The following SDK2 variants were observed in gnomAD, a reference collection of about 807,000 sequenced individuals.
SDK2 encodes protein sidekick-2.
Under a neutral mutation model 253.9 loss-of-function variants are expected in SDK2, and 105 were observed. The observed-to-expected ratio is 0.41, with a 90% CI of 0.35 to 0.49. SDK2 has a LOEUF of 0.49. Among genes scored for constraint, SDK2 ranks in the 20% least tolerant of loss-of-function variants. The pLI, the probability that SDK2 is intolerant of heterozygous loss-of-function variation, is 0.06. For synonymous variants in SDK2, 1,249 were observed against 1,234.9 expected, an observed-to-expected ratio of 1.01 and a Z score of -0.24; for missense variants, 2,608 against 3,003.0, an observed-to-expected ratio of 0.87 and a Z score of 3.07.
At chr17:73,377,677 A>G (rs1222551900) in intron 36 of SDK2, among the ~76,000 whole-genome samples, 3 of 142,966 alleles carry the variant, frequency 2.1e-5, no homozygotes, top group African/African-American at 7.9e-5. Context: ...CAATGGTGCA[A>G]TCTCGGCTCA....
At chr17:73,424,655 T>C (rs1442250704) in intron 12 of SDK2, among the ~76,000 whole-genome samples, 1 of 152,216 alleles carries the variant, frequency 6.6e-6, no homozygotes, top group Non-Finnish European at 1.5e-5. Context: ...AATTTGTTCT[T>C]GAGGAAATAG....
chr17:73,586,219 C>A (rs1470216745), intron 1 of SDK2, among the ~76,000 whole-genome samples: 1 of 152,166 alleles, frequency 6.6e-6, no homozygotes, highest in Non-Finnish European at 1.5e-5. Flanking sequence ...CCATGCCTCT[C>A]CTGCTGGCTA....
chr17:73,498,289 C>G (rs2063859725), intron 2 of SDK2, among the ~76,000 whole-genome samples: 1 of 152,214 alleles, frequency 6.6e-6, no homozygotes, highest in Non-Finnish European at 1.5e-5. Context: ...GCTCCAAACT[C>G]CTCCAGCTCC....
intron 2 of SDK2, among the ~76,000 whole-genome samples, chr17:73,482,685 C>T (rs1041956581): frequency 3.3e-5 from 5 of 152,354 alleles, no homozygotes; most frequent in Admixed American, 3.3e-4. Context: ...AACTGTGATC[C>T]ATCAGCCCAG....
intron 5 of SDK2, among the ~76,000 whole-genome samples, chr17:73,445,188 C>CA (rs1599572989): frequency 6.6e-6 from 1 of 151,866 alleles, no homozygotes; most frequent in Non-Finnish European, 1.5e-5. Flanking sequence ...ACTTAGTATG[C>CA]AAAAAACCAA....
In SDK2 at chr17:73,430,611, G is replaced by A. The variant is rs1458289398; in HGVS notation, c.1483C>T (p.Arg495Trp). 9.6e-6 allele frequency: 15 copies of A among 1,558,680 alleles called. No individual in the cohort carries two copies. The highest frequency in any genetic ancestry group is 2.4e-5 in the East Asian group (1 of 42,190). ...EASADLVVWA[R>W]TRITKPPQDQ... is the part of the protein sequence containing the mutation. ...TGGGGGGGCTTGGTGATGCGGGTCC[G>A]AGCTGAAAGATACAGCGGAGACAGC... The change falls in exon 12 of 45, where the codon CGG becomes TGG. Residue 495 changes from arginine to tryptophan, a missense_variant and splice_region_variant. Transcript: ENST00000392650.
intron 1 of SDK2, among the ~76,000 whole-genome samples, chr17:73,566,434 T>C (rs1047102761): frequency 6.6e-6 from 1 of 152,070 alleles, no homozygotes; most frequent in African/African-American, 2.4e-5. Flanking sequence ...GGAGTGTTGC[T>C]ATAAAGATAC....
In SDK2 at chr17:73,401,744, G is replaced by A; in HGVS notation, c.2689C>T (p.Pro897Ser). The A allele has an allele frequency of 1.3e-6, 2 of 1,576,296 alleles. No individual in the cohort carries two copies. Among genetic ancestry groups the A allele is most frequent in the Non-Finnish European group, 8.6e-7 (1 of 1,159,980 alleles). ...LVRTHEDVPGPVGHLSFSEIL... is the reference protein window; with the variant it reads ...LVRTHEDVPGSVGHLSFSEIL... ...TCACTGAAGCTCAGGTGTCCCACGGGCCCAGGCACTGCACCCCAAAAGGAA... is the reference window on the plus strand; with the variant it reads ...TCACTGAAGCTCAGGTGTCCCACGGACCCAGGCACTGCACCCCAAAAGGAA... Residue 897 changes from proline to serine, a missense_variant, in exon 20 of 45, where the codon CCC becomes TCC. Physicochemically the swap from Pro to Ser is moderately conservative, Grantham distance 74 (BLOSUM62 -1). Transcript: ENST00000392650.
chr17:73,378,577 G>A (rs1367366865), intron 36 of SDK2, among the ~76,000 whole-genome samples: 1 of 151,912 alleles, frequency 6.6e-6, no homozygotes, highest in Non-Finnish European at 1.5e-5. Context: ...CTGCCACCAT[G>A]CCCGGCTAAT....
chr17:73,365,970 C>G (rs1028629666), intron 37 of SDK2, among the ~76,000 whole-genome samples: 1 of 152,128 alleles, frequency 6.6e-6, no homozygotes, highest in African/African-American at 2.4e-5. Flanking sequence ...TTTCTCGGAC[C>G]AAGAACCCTG....
intron 30 of SDK2, 58 bp downstream of exon 30, chr17:73,387,778 C>T: frequency 6.9e-7 from 1 of 1,451,102 alleles, no homozygotes; most frequent in Middle Eastern, 2.1e-4. Flanking sequence ...TGGAGGAGCA[C>T]CGCTGGTCCC....
Position 73,643,074 on chromosome 17 carries a change from A to G in SDK2, c.64+951T>C, listed in dbSNP as rs2143325929. 1 of 152,348 alleles carries G rather than the reference A, an allele frequency of 6.6e-6. No individual in the cohort carries two copies. The highest frequency in any genetic ancestry group is 1.9e-4 in the East Asian group (1 of 5,162). 9.4% of individuals were successfully genotyped at this position (152,348 alleles called of 1,614,324 possible). A position where few individuals can be genotyped will look rare whatever the true frequency, so the allele number is the denominator to read the frequency against. On this transcript the variant is annotated intron_variant, in intron 1 of 44. Coordinates refer to ENST00000392650, the MANE Select transcript of SDK2 (RefSeq NM_001144952.2). This position sits in a 1 kb window ranked among gnomAD's most constrained non-coding sequence, Gnocchi z 6.9. ...GGACACCGCTGACACCACTGTCTGGATCGGCGAACCCCAAAGTCGAGGAAC... is the reference window on the plus strand; with the variant it reads ...GGACACCGCTGACACCACTGTCTGGGTCGGCGAACCCCAAAGTCGAGGAAC...
intron 2 of SDK2, among the ~76,000 whole-genome samples, chr17:73,498,219 G>A (rs545851288): frequency 1.3e-5 from 2 of 152,192 alleles, no homozygotes; most frequent in East Asian, 3.9e-4. Flanking sequence ...CTCCTGACAC[G>A]AGCACCTCCT....
rs373510119 is a variant in SDK2 at position 73,596,723 on chromosome 17, C to T, written c.64+47302G>A. On this transcript the variant is annotated intron_variant, in intron 1 of 44. Transcript: ENST00000392650. ...GGACAGGGTGGCTGGTTCCAGCCTC[C>T]CCGACCCTCCCAGCTCCACTCTGAT... 6.6e-5 allele frequency among the ~76,000 whole-genome samples: 10 copies of T among 152,142 alleles called. No individual in the cohort carries two copies. The East Asian group carries it at 9.6e-4, about 15-fold the overall frequency.
At position 73,505,496 on chromosome 17, in the gene SDK2, A is replaced by C. The variant is rs921969372; in HGVS notation, c.224+1942T>G. ...TGTTATTGTCATCATCATCATCATC[A>C]TCCTCAATAGCTGGACCTCATCATC... On this transcript the variant is annotated intron_variant, in intron 2 of 44. Coordinates refer to ENST00000392650, the MANE Select transcript of SDK2 (RefSeq NM_001144952.2). Among the ~76,000 whole-genome samples the C allele has an allele frequency of 3.3e-5, 5 of 149,886 alleles. No homozygotes were observed. In the East Asian group the frequency reaches 8.0e-4, roughly 24 times the overall value.
intron 1 of SDK2, among the ~76,000 whole-genome samples, chr17:73,514,786 G>A (rs1206453960): frequency 1.3e-5 from 2 of 152,178 alleles, no homozygotes; most frequent in African/African-American, 2.4e-5. Flanking sequence ...GGTGGGAGCT[G>A]GGATTTCTAG....
intron 1 of SDK2, among the ~76,000 whole-genome samples, chr17:73,569,987 A>G (rs1408675169): frequency 6.6e-6 from 1 of 152,110 alleles, no homozygotes; most frequent in East Asian, 1.9e-4. Flanking sequence ...GCAGCCATGG[A>G]CACGGGACAC....
chr17:73,482,281 G>GA (rs1246975457), intron 2 of SDK2, among the ~76,000 whole-genome samples: 286 of 133,890 alleles, frequency 2.1e-3, no homozygotes, highest in African/African-American at 7.0e-3. Flanking sequence ...AAAAAAAAAA[G>GA]AAGAAGAAGC....
chr17:73,501,242 G>GCACACACACACA lies in SDK2; in HGVS notation c.224+6184_224+6195dup, dbSNP rs34715004. 8.8e-4 allele frequency among the ~76,000 whole-genome samples: 133 copies of GCACACACACACA among 150,866 alleles called. 1 individual carries two copies. Among genetic ancestry groups the GCACACACACACA allele is most frequent in the Middle Eastern group, 3.4e-3 (1 of 294 alleles). ...CACAAACACATACATGCATGTGCAT[G>GCACACACACACA]CACACACACACACACACATATTTTA... On this transcript the variant is annotated intron_variant, in intron 2 of 44. Transcript: ENST00000392650.
Sources: allele counts gnomAD v4.1 joint callset (sites outside exome capture counted in the v4.1 genomes callset), GRCh38; gene constraint gnomAD v4.1.1; non-coding constraint Gnocchi (gnomAD v3.1); transcripts MANE v1.5; gene names NCBI Gene and HGNC (gene_info 2026-07-23, HGNC 2026-07-21).